Variants in TUSC1 observed in about 807,000 individuals in gnomAD.
TUSC1 encodes the protein tumor suppressor candidate 1.
In TUSC1, 8 loss-of-function variants were observed where a neutral mutation model predicts 5.2. The observed-to-expected ratio is 1.54, with a 90% confidence interval of 0.90 to 2.77. TUSC1 has a LOEUF of 2.77. Ranked by LOEUF, TUSC1 falls within the 30% of genes most tolerant of loss-of-function variation. The pLI is 0.00. For synonymous variants in TUSC1, 192 were observed against 144.2 expected (o/e 1.33, Z -2.37); for missense variants, 442 against 324.2 (o/e 1.36, Z -2.79).
rs555576178 is a variant in TUSC1 at position 25,678,179 on chromosome 9, A to ACGCCGCCGC, written c.125_133dup (p.Gly42_Gly44dup). On this transcript the variant is annotated inframe_insertion, in exon 1 of 1. Coordinates refer to ENST00000358022, the MANE Select transcript of TUSC1 (RefSeq NM_001004125.3). ...GCCGTCCGCGCGGCCTCGCCAGCCC[A>ACGCCGCCGC]CGCCGCCGCCGCCGCCGCTGGGGCT... The ACGCCGCCGC allele has an allele frequency of 3.6e-6, 5 of 1,384,930 alleles. No individual in the cohort carries two copies. Among genetic ancestry groups the ACGCCGCCGC allele is most frequent in the East Asian group, 6.1e-5 (2 of 32,698 alleles). The allele number at this position is 1,384,930 out of a possible 1,614,324, so 85.8% of individuals were successfully genotyped here.
At position 25,677,900 on chromosome 9, in the gene TUSC1, C is replaced by A; in HGVS notation, c.413G>T (p.Arg138Met). ...GTCCTCTCGGCCGCTGTCTCTAGCCCTCCGGTTCGTGCTGGCCTCTTCAGG... is the reference window on the plus strand; with the variant it reads ...GTCCTCTCGGCCGCTGTCTCTAGCCATCCGGTTCGTGCTGGCCTCTTCAGG... The part of the protein sequence containing the change: ...RVPEEASTNR[R>M]ARDSGREDEP... The change falls in exon 1 of 1, where the codon AGG (arginine) becomes ATG (methionine). Residue 138 changes from arginine (R) to methionine (M), a missense_variant. Transcript: ENST00000358022. 2.5e-6 allele frequency: 4 copies of A among 1,584,148 alleles called. No homozygotes were observed. The highest frequency in any genetic ancestry group is 3.4e-6 in the Non-Finnish European group (4 of 1,168,984).
Position 25,677,412 on chromosome 9 carries a change from C to G in TUSC1, c.*271G>C. On this transcript the variant is annotated 3_prime_UTR_variant, in exon 1 of 1. Coordinates refer to ENST00000358022, the MANE Select transcript of TUSC1 (RefSeq NM_001004125.3). ...TTAAAATCCGTCCCTTCGTTGTTGG[C>G]TAGGCCTCTCTCCAGGGAAACTAGC... 2.1e-6 allele frequency: 1 copy of G among 484,438 alleles called. No homozygotes were observed. The highest frequency in any genetic ancestry group is 3.5e-6 in the Non-Finnish European group (1 of 285,184). The allele number at this position is 484,438 out of a possible 1,614,324, so 30.0% of individuals were successfully genotyped here.
Position 25,678,029 on chromosome 9 carries a change from A to C in TUSC1, c.284T>G (p.Leu95Arg). 2 of 1,571,134 alleles carry C rather than the reference A, an allele frequency of 1.3e-6. No homozygotes were observed. Among genetic ancestry groups the C allele is most frequent in the Non-Finnish European group, 1.7e-6 (2 of 1,164,912 alleles). The change falls in exon 1 of 1, where the codon CTC becomes CGC. Residue 95 changes from leucine (L) to arginine (R), a missense_variant. Transcript: ENST00000358022. ...CTCGCGCTTCAGCCGCCGGTTCTCG[A>C]GCCGCAGCCGGGCGTTCTCCTGACG... The part of the protein sequence containing the change: ...RLRQENARLR[L>R]ENRRLKRENR...
In TUSC1 at chr9:25,678,297, C is replaced by T. The variant is rs1819094981; in HGVS notation, c.16G>A (p.Gly6Ser). 1.4e-6 allele frequency: 2 copies of T among 1,469,242 alleles called. No individual in the cohort carries two copies. The highest frequency in any genetic ancestry group is 2.4e-4 in the Middle Eastern group (1 of 4,218). 91.0% of individuals were successfully genotyped at this position (1,469,242 alleles called of 1,614,324 possible). Residue 6 changes from glycine (G) to serine (S), a missense_variant, in exon 1 of 1, where the codon GGT becomes AGT. By Grantham distance (56) the Gly-to-Ser change is moderately conservative. Coordinates refer to ENST00000358022, the MANE Select transcript of TUSC1 (RefSeq NM_001004125.3). ...CAACTCCCGCGCCTAGTGGCGCCAC[C>T]ACGCATGCGCCACATCGGTCCCATC... MWRMR[G>S]GATRRGSCCG...
rs372709875 is a variant in TUSC1 at position 25,677,899 on chromosome 9, C to T, written c.414G>A (p.Arg138=). Residue 138 remains arginine (R), a synonymous_variant, in exon 1 of 1, where the codon AGG becomes AGA. Transcript: ENST00000358022. ...CGTCCTCTCGGCCGCTGTCTCTAGCCCTCCGGTTCGTGCTGGCCTCTTCAG... is the reference window on the plus strand; with the variant it reads ...CGTCCTCTCGGCCGCTGTCTCTAGCTCTCCGGTTCGTGCTGGCCTCTTCAG... ...RVPEEASTNR[R]ARDSGREDEP... is the part of the protein sequence containing the mutation. 142 of 1,584,702 alleles carry T rather than the reference C, an allele frequency of 9.0e-5. 3 individuals carry two copies. The African/African-American group carries it at 1.5e-3, about 17-fold the overall frequency.
chr9:25,678,313 C>A lies in TUSC1; in HGVS notation c.-1G>T, dbSNP rs768138803. The A allele has an allele frequency of 2.5e-5, 36 of 1,457,274 alleles. No individual in the cohort carries two copies. The South Asian group carries it at 4.5e-4, about 18-fold the overall frequency. 90.3% of individuals were successfully genotyped at this position (1,457,274 alleles called of 1,614,324 possible). A position where few individuals can be genotyped will look rare whatever the true frequency, so the allele number is the denominator to read the frequency against. ...TGGCGCCACCACGCATGCGCCACAT[C>A]GGTCCCATCCCAACCGCGCCGCCAG... On this transcript the variant is annotated 5_prime_UTR_variant, in exon 1 of 1. Transcript: ENST00000358022.
Position 25,678,027 on chromosome 9 carries a change from C to G in TUSC1, c.286G>C (p.Glu96Gln), listed in dbSNP as rs772172120. 33 of 1,566,466 alleles carry G rather than the reference C, an allele frequency of 2.1e-5. No homozygotes were observed. The highest frequency in any genetic ancestry group is 2.8e-5 in the Non-Finnish European group (33 of 1,162,922). ...TTCTCGCGCTTCAGCCGCCGGTTCT[C>G]GAGCCGCAGCCGGGCGTTCTCCTGA... ...LRQENARLRL[E>Q]NRRLKRENRS... The change falls in exon 1 of 1, where the codon GAG (glutamate) becomes CAG (glutamine). Residue 96 changes from glutamate to glutamine, a missense_variant. Glu to Gln is a conservative substitution (Grantham distance 29, BLOSUM62 2). Transcript: ENST00000358022.
In TUSC1 at chr9:25,677,934, GTGCCTCCGCGGGCGTCCCGTTGC is replaced by G; in HGVS notation, c.356_378del (p.Gly119AlafsTer5). ...GTGCTGGCCTCTTCAGGGACCCGGC[GTGCCTCCGCGGGCGTCCCGTTGC>G]CGCCTTCGCCGGGGAGCCGCAAAGC... On this transcript the variant is annotated frameshift_variant, in exon 1 of 1. Transcript: ENST00000358022. LOFTEE classifies it low-confidence loss of function (END_TRUNC). 6.4e-7 allele frequency: 1 copy of G among 1,559,360 alleles called. No individual in the cohort carries two copies. The highest frequency in any genetic ancestry group is 8.6e-7 in the Non-Finnish European group (1 of 1,156,480).
At position 25,677,879 on chromosome 9, in the gene TUSC1, T is replaced by C. The variant is rs1362392116; in HGVS notation, c.434A>G (p.Glu145Gly). 1.3e-6 allele frequency: 2 copies of C among 1,590,606 alleles called. No individual in the cohort carries two copies. The highest frequency in any genetic ancestry group is 2.3e-5 in the East Asian group (1 of 43,966). Residue 145 changes from glutamate (E) to glycine (G), a missense_variant, in exon 1 of 1, where the codon GAG (glutamate) becomes GGG (glycine). Coordinates refer to ENST00000358022, the MANE Select transcript of TUSC1 (RefSeq NM_001004125.3). ...GGCCCTGGGGCTGCCCGGCTCGTCCTCTCGGCCGCTGTCTCTAGCCCTCCG... is the reference window on the plus strand; with the variant it reads ...GGCCCTGGGGCTGCCCGGCTCGTCCCCTCGGCCGCTGTCTCTAGCCCTCCG... The part of the protein sequence containing the change: ...TNRRARDSGR[E>G]DEPGSPRALR...
In TUSC1 at chr9:25,677,508, A is replaced by C. The variant is rs1465851145; in HGVS notation, c.*175T>G. The C allele has an allele frequency of 7.8e-7, 1 of 1,286,460 alleles. No homozygotes were observed. Among genetic ancestry groups the C allele is most frequent in the African/African-American group, 1.5e-5 (1 of 66,916 alleles). 79.7% of individuals were successfully genotyped at this position (1,286,460 alleles called of 1,614,324 possible). A position where few individuals can be genotyped will look rare whatever the true frequency, so the allele number is the denominator to read the frequency against. On this transcript the variant is annotated 3_prime_UTR_variant, in exon 1 of 1. Coordinates refer to ENST00000358022, the MANE Select transcript of TUSC1 (RefSeq NM_001004125.3). ...CCCTTGCACCCACTCGACCTCCACC[A>C]AGCGGATGGCCAAGCGCCACCCGGA...
Position 25,677,594 on chromosome 9 carries a change from G to A in TUSC1, c.*89C>T, listed in dbSNP as rs1819064905. 2.1e-6 allele frequency: 3 copies of A among 1,438,368 alleles called. No individual in the cohort carries two copies. The highest frequency in any genetic ancestry group is 1.5e-5 in the South Asian group (1 of 67,986). The allele number at this position is 1,438,368 out of a possible 1,614,324, so 89.1% of individuals were successfully genotyped here. On this transcript the variant is annotated 3_prime_UTR_variant, in exon 1 of 1. Coordinates refer to ENST00000358022, the MANE Select transcript of TUSC1 (RefSeq NM_001004125.3). Reference sequence around the variant, plus strand: ...CCAAGGTATCCGCGGGCAGGGAGCGGGCCAGGGCGTGCGCGAGGTCGGGGG... The same window carrying A: ...CCAAGGTATCCGCGGGCAGGGAGCGAGCCAGGGCGTGCGCGAGGTCGGGGG...
rs1475420667 is a variant in TUSC1 at position 25,678,222 on chromosome 9, G to T, written c.91C>A (p.Arg31=). The change falls in exon 1 of 1, where the codon CGG becomes AGG. Residue 31 remains arginine, a synonymous_variant. Transcript: ENST00000358022. The part of the protein sequence containing the change: ...ADGRGPGRSG[R]ARGGGSPSGG... ...CTGGGGCTGCCCCCACCACGAGCCC[G>T]GCCGGAGCGGCCTGGCCCTCGGCCG... 1.5e-6 allele frequency: 2 copies of T among 1,362,250 alleles called. No individual in the cohort carries two copies. Among genetic ancestry groups the T allele is most frequent in the Admixed American group, 3.1e-5 (1 of 32,198 alleles). 84.4% of individuals were successfully genotyped at this position (1,362,250 alleles called of 1,614,324 possible). A position where few individuals can be genotyped will look rare whatever the true frequency, so the allele number is the denominator to read the frequency against.
Position 25,677,745 on chromosome 9 carries a change from G to A in TUSC1, c.568C>T (p.Leu190=). ...CGGAGGCCGGAGTCGGGTTCCTGTA[G>A]AGGCTGCTCCTCCTTGTCCCCGCTC... ...RPSGDKEEQP[L]QEPDSGLRSR... is the part of the protein sequence containing the mutation. The change falls in exon 1 of 1, where the codon CTA becomes TTA. Residue 190 remains leucine, a synonymous_variant. Transcript: ENST00000358022. 4 of 1,577,946 alleles carry A rather than the reference G, an allele frequency of 2.5e-6. No homozygotes were observed. Among genetic ancestry groups the A allele is most frequent in the Non-Finnish European group, 3.4e-6 (4 of 1,162,450 alleles).
At position 25,677,932 on chromosome 9, in the gene TUSC1, G is replaced by A. The variant is rs1443179373; in HGVS notation, c.381C>T (p.Arg127=). Residue 127 remains arginine, a synonymous_variant, in exon 1 of 1, where the codon CGC becomes CGT. Transcript: ENST00000358022. The stretch of plus-strand genomic sequence containing the variant: ...TCGTGCTGGCCTCTTCAGGGACCCG[G>A]CGTGCCTCCGCGGGCGTCCCGTTGC... ...EGGNGTPAEA[R]RVPEEASTNR... The A allele has an allele frequency of 1.3e-6, 2 of 1,558,952 alleles. No individual in the cohort carries two copies. Among genetic ancestry groups the A allele is most frequent in the Non-Finnish European group, 1.7e-6 (2 of 1,156,218 alleles).
At position 25,677,764 on chromosome 9, in the gene TUSC1, C is replaced by T. The variant is rs1229975859; in HGVS notation, c.549G>A (p.Gly183=). The stretch of plus-strand genomic sequence containing the variant: ...CCTGTAGAGGCTGCTCCTCCTTGTC[C>T]CCGCTCGGACGTGGTCCCCGCTGCT... ...HLEQRGPRPS[G]DKEEQPLQEP... is the part of the protein sequence containing the mutation. Residue 183 remains glycine, a synonymous_variant, in exon 1 of 1, where the codon GGG becomes GGA. Coordinates refer to ENST00000358022, the MANE Select transcript of TUSC1 (RefSeq NM_001004125.3). 6.3e-7 allele frequency: 1 copy of T among 1,580,584 alleles called. No homozygotes were observed. The highest frequency in any genetic ancestry group is 2.3e-5 in the East Asian group (1 of 42,822).
rs1295711983 is a variant in TUSC1 at position 25,677,941 on chromosome 9, C to G, written c.372G>C (p.Ala124=). Residue 124 remains alanine (A), a synonymous_variant, in exon 1 of 1, where the codon GCG becomes GCC. Transcript: ENST00000358022. ...LPGEGGNGTP[A]EARRVPEEAS... is the part of the protein sequence containing the mutation. ...CCTCTTCAGGGACCCGGCGTGCCTCCGCGGGCGTCCCGTTGCCGCCTTCGC... is the reference window on the plus strand; with the variant it reads ...CCTCTTCAGGGACCCGGCGTGCCTCGGCGGGCGTCCCGTTGCCGCCTTCGC... 6.4e-7 allele frequency: 1 copy of G among 1,553,902 alleles called. No individual in the cohort carries two copies. The highest frequency in any genetic ancestry group is 8.7e-7 in the Non-Finnish European group (1 of 1,154,226).
rs191950000 is a variant in TUSC1 at position 25,677,564 on chromosome 9, G to C, written c.*119C>G. The C allele has an allele frequency of 3.5e-6, 5 of 1,431,192 alleles. No individual in the cohort carries two copies. The highest frequency in any genetic ancestry group is 2.7e-6 in the Non-Finnish European group (3 of 1,096,978). The allele number at this position is 1,431,192 out of a possible 1,614,324, so 88.7% of individuals were successfully genotyped here. A position where few individuals can be genotyped will look rare whatever the true frequency, so the allele number is the denominator to read the frequency against. On this transcript the variant is annotated 3_prime_UTR_variant, in exon 1 of 1. Transcript: ENST00000358022. Reference sequence around the variant, plus strand: ...CCACTGGTGGGGGCGGGAAGGCACCGTAGTCCAAGGTATCCGCGGGCAGGG... The same window carrying C: ...CCACTGGTGGGGGCGGGAAGGCACCCTAGTCCAAGGTATCCGCGGGCAGGG...
chr9:25,677,630 C>G lies in TUSC1; in HGVS notation c.*53G>C, dbSNP rs1819066162. 2.1e-6 allele frequency: 3 copies of G among 1,447,500 alleles called. No individual in the cohort carries two copies. Among genetic ancestry groups the G allele is most frequent in the African/African-American group, 1.4e-5 (1 of 69,746 alleles). 89.7% of individuals were successfully genotyped at this position (1,447,500 alleles called of 1,614,324 possible). ...GCGCGAGGTCGGGGGTAGCTGGGAA[C>G]GGAGGAGGAGGGGCCCGCTCGAGGC... On this transcript the variant is annotated 3_prime_UTR_variant, in exon 1 of 1. Transcript: ENST00000358022.
In TUSC1 at chr9:25,677,683, CTACAGCCAGGGCCCAGA is replaced by C; in HGVS notation, c.613_629del (p.Ser205AlafsTer99). On this transcript the variant is annotated frameshift_variant and stop_lost, in exon 1 of 1. Transcript: ENST00000358022. LOFTEE classifies it high-confidence loss of function. ...CGCCTCTCACCGGCTGCGGCCTCGG[CTACAGCCAGGGCCCAGA>C]GGGCTCCGAGTCCCGGGAGCGGAGG... The C allele has an allele frequency of 6.6e-7, 1 of 1,520,528 alleles. No homozygotes were observed. Among genetic ancestry groups the C allele is most frequent in the Non-Finnish European group, 8.8e-7 (1 of 1,132,904 alleles). 94.2% of individuals were successfully genotyped at this position (1,520,528 alleles called of 1,614,324 possible).
Sources: gnomAD v4.1 joint callset for allele counts on GRCh38, gnomAD v4.1.1 for gene constraint, MANE v1.5 for transcripts, NCBI Gene and HGNC (gene_info 2026-07-23, HGNC 2026-07-21) for gene names.